The following WDPCP variants were observed in gnomAD, a reference collection of about 807,000 sequenced individuals.
The protein encoded by WDPCP is WD repeat-containing and planar cell polarity effector protein fritz homolog.
In WDPCP, 71 loss-of-function variants were observed where a neutral mutation model predicts 93.1. The observed-to-expected ratio is 0.76, with a 90% confidence interval of 0.63 to 0.93. The LOEUF is 0.93. Among genes scored for constraint, WDPCP ranks in the 40% least tolerant of loss-of-function variants. The probability of loss-of-function intolerance (pLI) is 0.00; values close to 1 mark genes in which losing one functional copy is unlikely to be tolerated. For synonymous variants in WDPCP, 315 were observed against 315.0 expected, an observed-to-expected ratio of 1.00 and a Z score of 0.00; for missense variants, 844 against 887.4, an observed-to-expected ratio of 0.95 and a Z score of 0.62.
chr2:63,356,185 C>G (rs1418547150), intron 12 of WDPCP, among the ~76,000 whole-genome samples: 1 of 152,172 alleles, frequency 6.6e-6, no homozygotes, highest in Non-Finnish European at 1.5e-5. Context: ...CAAAGAAGGA[C>G]ATTACATAAT....
chr2:63,146,184 G>A (rs941196805), intron 17 of WDPCP, among the ~76,000 whole-genome samples: 1 of 152,056 alleles, frequency 6.6e-6, no homozygotes, highest in Non-Finnish European at 1.5e-5. Flanking sequence ...CTTCCTATTT[G>A]GATGCCCTTT....
chr2:63,279,831 T>C (rs771974865), intron 13 of WDPCP, among the ~76,000 whole-genome samples: 3 of 151,232 alleles, frequency 2.0e-5, no homozygotes, highest in Non-Finnish European at 4.4e-5. Flanking sequence ...AAGCTGAGAA[T>C]GAAATCAAGA....
chr2:63,346,686 G>A (rs1371831153), intron 12 of WDPCP, among the ~76,000 whole-genome samples: 2 of 152,144 alleles, frequency 1.3e-5, no homozygotes, highest in African/African-American at 2.4e-5. Flanking sequence ...TGACTCTTAT[G>A]TAGATTTATG....
At chr2:63,267,363 G>A (rs1200120265) in intron 13 of WDPCP, among the ~76,000 whole-genome samples, 1 of 152,136 alleles carries the variant, frequency 6.6e-6, no homozygotes, top group Non-Finnish European at 1.5e-5. Context: ...ATAAAAGATA[G>A]TATGTTAAGC....
intron 17 of WDPCP, among the ~76,000 whole-genome samples, chr2:63,128,652 C>G (rs1440471580): frequency 2.6e-5 from 4 of 152,138 alleles, no homozygotes; most frequent in African/African-American, 9.7e-5. Context: ...TTCATACTTC[C>G]TTAAGCCTCT....
the WDPCP span, among the ~76,000 whole-genome samples, chr2:63,835,155 G>A: frequency 2.6e-5 from 4 of 151,918 alleles, no homozygotes; most frequent in South Asian, 8.3e-4. Flanking sequence ...GGGAGGCCGA[G>A]GTGGGCGGAT....
intron 12 of WDPCP, among the ~76,000 whole-genome samples, chr2:63,375,832 C>T (rs1691812421): frequency 6.6e-6 from 1 of 151,820 alleles, no homozygotes; most frequent in South Asian, 2.1e-4. Flanking sequence ...TCAAAATAAT[C>T]CAATCCAAAT....
At chr2:63,499,373 GC>G (rs1355914755) in intron 1 of WDPCP, among the ~76,000 whole-genome samples, 3 of 152,188 alleles carry the variant, frequency 2.0e-5, no homozygotes, top group African/African-American at 7.2e-5. Context: ...GGAAGTCTTT[GC>G]CAAGCTCAGG....
At chr2:63,332,089 T>G (rs1688018324) in intron 12 of WDPCP, among the ~76,000 whole-genome samples, 1 of 151,200 alleles carries the variant, frequency 6.6e-6, no homozygotes. Flanking sequence ...GATACATATA[T>G]ATATGTGTGT....
intron 13 of WDPCP, among the ~76,000 whole-genome samples, chr2:63,263,056 G>GACTT (rs1442398831): frequency 3.9e-5 from 6 of 152,186 alleles, no homozygotes; most frequent in Admixed American, 3.3e-4. Flanking sequence ...TTTGAATGTG[G>GACTT]ACTTAAGCAA....
At chr2:63,813,055 A>G (rs904183164) in intron 2 of WDPCP, among the ~76,000 whole-genome samples, 2 of 152,006 alleles carry the variant, frequency 1.3e-5, no homozygotes, top group African/African-American at 4.8e-5. Context: ...AGGTCTCACT[A>G]CGTTGCCCAG....
At chr2:63,820,407 T>C (rs1439743748) in intron 1 of WDPCP, among the ~76,000 whole-genome samples, 1 of 152,272 alleles carries the variant, frequency 6.6e-6, no homozygotes, top group East Asian at 1.9e-4. Context: ...GAAATAGTGA[T>C]GCAACCCAGT....
At chr2:63,575,357 T>G (rs1305320507) in intron 1 of WDPCP, among the ~76,000 whole-genome samples, 9 of 107,892 alleles carry the variant, frequency 8.3e-5, no homozygotes, top group Non-Finnish European at 1.8e-4. Flanking sequence ...ATATGGTATA[T>G]ACAGTATATA....
intron 3 of WDPCP, chr2:63,605,944 GT>G (rs1709518723): frequency 6.2e-7 from 1 of 1,613,548 alleles, no homozygotes; most frequent in Non-Finnish European, 8.5e-7. Context: ...TTCAGGGAGA[GT>G]TTGTGTCCAT....
intron 3 of WDPCP, among the ~76,000 whole-genome samples, chr2:63,614,144 A>G (rs1453344430): frequency 2.0e-5 from 3 of 152,124 alleles, no homozygotes; most frequent in African/African-American, 7.2e-5. Context: ...GGGCTCATTC[A>G]ATTATCCTGA....
intron 17 of WDPCP, among the ~76,000 whole-genome samples, chr2:63,141,776 G>A (rs944988218): frequency 2.0e-5 from 3 of 151,896 alleles, no homozygotes; most frequent in Non-Finnish European, 2.9e-5. Context: ...TTTTGTTGTT[G>A]TTGGTAATTT....
At chr2:63,264,041 T>C (rs957141274) in intron 13 of WDPCP, among the ~76,000 whole-genome samples, 6 of 152,040 alleles carry the variant, frequency 3.9e-5, no homozygotes, top group Admixed American at 2.6e-4. Flanking sequence ...TATTTGAAAA[T>C]GTAAATCCTT....
intron 14 of WDPCP, among the ~76,000 whole-genome samples, chr2:63,219,341 C>T (rs993457750): frequency 6.6e-6 from 1 of 152,162 alleles, no homozygotes; most frequent in Non-Finnish European, 1.5e-5. Flanking sequence ...TACATACTTC[C>T]GGCCTGTCAG....
chr2:63,308,447 T>C lies in WDPCP; in HGVS notation c.1812+4801A>G, dbSNP rs188133376. The stretch of plus-strand genomic sequence containing the variant: ...TACTATAAAGACATATGCACACGTA[T>C]GTTTATTGTAGCAGTATTCACAATA... On this transcript the variant is annotated intron_variant, in intron 13 of 17. Coordinates refer to ENST00000272321, the MANE Select transcript of WDPCP (RefSeq NM_015910.7). Among the ~76,000 whole-genome samples, 3 of 152,342 alleles carry C rather than the reference T, an allele frequency of 2.0e-5. No individual in the cohort carries two copies. In the East Asian group the frequency reaches 5.8e-4, roughly 29 times the overall value.
Sources: gnomAD v4.1 joint callset for allele counts (sites outside exome capture counted in the v4.1 genomes callset) on GRCh38, gnomAD v4.1.1 for gene constraint, MANE v1.5 for transcripts, NCBI Gene and HGNC (gene_info 2026-07-23, HGNC 2026-07-21) for gene names.